The following AARS2 variants were observed in gnomAD, a reference collection of about 807,000 sequenced individuals.
AARS2 encodes alanine--tRNA ligase, mitochondrial.
AARS2 carries 78 observed loss-of-function variants against 119.7 expected under a neutral mutation model. That is an observed-to-expected ratio of 0.65 (90% confidence interval 0.54 to 0.79). The LOEUF (loss-of-function observed/expected upper bound fraction) is 0.79, where lower values mean the gene tolerates loss of function less well. AARS2 is among the 30% of genes least tolerant of loss of function. AARS2 has a pLI of 0.00. For missense variants in AARS2, 1,157 were observed against 1,291.3 expected (o/e 0.90, Z 1.59); for synonymous variants, 502 against 526.3 (o/e 0.95, Z 0.63).
chr6:44,306,135 A>C (rs947673426), intron 9 of AARS2, 145 bp downstream of exon 9: 2 of 826,360 alleles, frequency 2.4e-6, no homozygotes, highest in African/African-American at 1.7e-5. Flanking sequence ...GGGTCTGGGT[A>C]TGGAAGGAGA....
At chr6:44,311,965 C>G in intron 2 of AARS2, 107 bp downstream of exon 2, 1 of 1,354,752 alleles carries the variant, frequency 7.4e-7, no homozygotes, top group Non-Finnish European at 1.1e-6. Flanking sequence ...GCTCAACTAG[C>G]ACTTTGCCTC....
rs377764395 is a variant in AARS2, at chr6:44,304,753, G to C, written c.1644C>G (p.Ser548=). 3 of 1,614,226 alleles carry C rather than the reference G, an allele frequency of 1.9e-6. No homozygotes were observed. The South Asian group carries it at 3.3e-5, about 18-fold the overall frequency. ...LYTEDGTAVA[S]VGKGQRCGLL... Reference sequence around the variant, plus strand: ...GGCCACAGCGCTGGCCTTTCCCCACGGAGGCCACTGCTGTCCCGTCCTCTG... The same window carrying C: ...GGCCACAGCGCTGGCCTTTCCCCACCGAGGCCACTGCTGTCCCGTCCTCTG... Residue 548 remains serine, a synonymous_variant, in exon 12 of 22, where the codon TCC becomes TCG. Transcript: ENST00000244571.
chr6:44,304,361 G>A (rs1294671831), intron 13 of AARS2, 40 bp from the exon 14 acceptor site: 1 of 1,614,206 alleles, frequency 6.2e-7, no homozygotes, highest in Non-Finnish European at 8.5e-7. Flanking sequence ...GGTGAGGGCA[G>A]GGGGTTGGGA....
chr6:44,302,873 T>C lies in AARS2; in HGVS notation c.2293A>G (p.Ile765Val), dbSNP rs768511282. Residue 765 changes from isoleucine to valine, a missense_variant, in exon 17 of 22, where the codon ATC becomes GTC. Coordinates refer to ENST00000244571, the MANE Select transcript of AARS2 (RefSeq NM_020745.4). ...TTGGAAAGCTGGCGGTCCCCGATGA[T>C]AACCAGGTCCCCTACAGCCCCAGTA... is the stretch of plus-strand genomic sequence containing the variant. ...LRTGAVGDLV[I>V]IGDRQLSKGT... is the part of the protein sequence containing the mutation. 5 of 1,614,036 alleles carry C rather than the reference T, an allele frequency of 3.1e-6. No homozygotes were observed. The highest frequency in any genetic ancestry group is 4.2e-6 in the Non-Finnish European group (5 of 1,180,012).
intron 7 of AARS2, 45 bp from the exon 8 acceptor site, chr6:44,306,577 C>A: frequency 6.2e-7 from 1 of 1,610,344 alleles, no homozygotes; most frequent in Non-Finnish European, 8.5e-7. Context: ...AGGCAACCAA[C>A]CCACCCCCAC....
intron 20 of AARS2, 26 bp downstream of exon 20, chr6:44,301,355 G>C: frequency 2.5e-6 from 4 of 1,613,902 alleles, no homozygotes; most frequent in Non-Finnish European, 3.4e-6. Flanking sequence ...CAGACCCTGG[G>C]GCAGCCCGGC....
Position 44,302,661 on chromosome 6 carries a change from C to T in AARS2, c.2364+141G>A. 5 of 1,479,938 alleles carry T rather than the reference C, an allele frequency of 3.4e-6. No individual in the cohort carries two copies. In the South Asian group the frequency reaches 5.9e-5, roughly 17 times the overall value. 91.7% of individuals were successfully genotyped at this position (1,479,938 alleles called of 1,614,324 possible). A position where few individuals can be genotyped will look rare whatever the true frequency, so the allele number is the denominator to read the frequency against. On this transcript the variant is annotated intron_variant, in intron 17 of 21. Transcript: ENST00000244571. ...AAATAATCAAAACACATGCCAGCTG[C>T]CAATAGCTGATATGGCCACATTGGT...
Position 44,303,129 on chromosome 6 carries a change from G to A in AARS2, c.2192C>T (p.Ala731Val), listed in dbSNP as rs1208131124. Residue 731 changes from alanine (A) to valine (V), a missense_variant, in exon 16 of 22, where the codon GCC (alanine) becomes GTC (valine). Coordinates refer to ENST00000244571, the MANE Select transcript of AARS2 (RefSeq NM_020745.4). ...VRVVSVGVPV[A>V]HALDPASQAA... ...TTGGGAGGCTGGGTCCAATGCATGG[G>A]CCACGGGCACCCCCACTGATACCAC... is the stretch of plus-strand genomic sequence containing the variant. 1 of 1,614,138 alleles carries A rather than the reference G, an allele frequency of 6.2e-7. No homozygotes were observed. Among genetic ancestry groups the A allele is most frequent in the South Asian group, 1.1e-5 (1 of 91,086 alleles).
intron 14 of AARS2, 138 bp from the exon 15 acceptor site, chr6:44,303,561 A>G (rs1426277464): frequency 1.3e-5 from 17 of 1,304,564 alleles, no homozygotes; most frequent in African/African-American, 1.2e-4. Context: ...TAGGTGCTCA[A>G]TAAACACTAC....
chr6:44,299,434 C>CT lies in AARS2; in HGVS notation c.*1112dup, dbSNP rs112521684. 0.012 allele frequency among the ~76,000 whole-genome samples: 1,737 copies of CT among 144,334 alleles called. 24 individuals carry two copies. The highest frequency in any genetic ancestry group is 0.034 in the African/African-American group (1,365 of 39,604). The allele number at this position is 144,334 out of a possible 152,430, so 94.7% of individuals were successfully genotyped here. On this transcript the variant is annotated 3_prime_UTR_variant, in exon 22 of 22. Coordinates refer to ENST00000244571, the MANE Select transcript of AARS2 (RefSeq NM_020745.4). ...CTGGGAGGCTGAGGCATAAAGATTACTTTTTTTTTTTTTTGTAGACAGGGT... is the reference window on the plus strand; with the variant it reads ...CTGGGAGGCTGAGGCATAAAGATTACTTTTTTTTTTTTTTTGTAGACAGGGT...
In AARS2 at chr6:44,313,305, C is replaced by G. The variant is rs750230257; in HGVS notation, c.19G>C (p.Ala7Pro). The change falls in exon 1 of 22, where the codon GCT (alanine) becomes CCT (proline). Residue 7 changes from alanine to proline, a missense_variant. Transcript: ENST00000244571. Reference sequence around the variant, plus strand: ...GCCCGCCGCAGCCTCCGGGCTGCAGCTGCCACTGACGCTGCCATCGTAGCT... The same window carrying G: ...GCCCGCCGCAGCCTCCGGGCTGCAGGTGCCACTGACGCTGCCATCGTAGCT... Reference protein sequence around the residue: MAASVAAAARRLRRAIR... With the variant: MAASVAPAARRLRRAIR... 10 of 1,601,416 alleles carry G rather than the reference C, an allele frequency of 6.2e-6. No individual in the cohort carries two copies. The highest frequency in any genetic ancestry group is 8.5e-6 in the Non-Finnish European group (10 of 1,178,340).
chr6:44,310,987 C>T lies in AARS2; in HGVS notation c.749+7G>A, dbSNP rs1312165049. 1 of 1,613,710 alleles carries T rather than the reference C, an allele frequency of 6.2e-7. No individual in the cohort carries two copies. The highest frequency in any genetic ancestry group is 1.3e-5 in the African/African-American group (1 of 74,926). The stretch of plus-strand genomic sequence containing the variant: ...GGGATTCTCATCCTGCTTCAGCACC[C>T]TATTACCTGTTGTGTTGCATGAAGA... On this transcript the variant is annotated splice_region_variant and intron_variant, in intron 4 of 21. Transcript: ENST00000244571.
chr6:44,304,319 G>C lies in AARS2; in HGVS notation c.1869C>G (p.Ala623=), dbSNP rs1785634959. The C allele has an allele frequency of 1.2e-6, 2 of 1,614,192 alleles. No homozygotes were observed. Among genetic ancestry groups the C allele is most frequent in the Non-Finnish European group, 1.7e-6 (2 of 1,180,028 alleles). ...GDQVQLHVDE[A]WRLGCMAKHT... The stretch of plus-strand genomic sequence containing the variant: ...GCTTCGCCATGCAGCCTAGACGCCA[G>C]GCCTGAAATACTTTTGTCACCCAGC... The change falls in exon 14 of 22, where the codon GCC becomes GCG. Residue 623 remains alanine (A), a splice_region_variant and synonymous_variant. Coordinates refer to ENST00000244571, the MANE Select transcript of AARS2 (RefSeq NM_020745.4).
At chr6:44,306,068 G>C (rs555961117) in intron 9 of AARS2, among the ~76,000 whole-genome samples, 1 of 152,198 alleles carries the variant, frequency 6.6e-6, no homozygotes, top group African/African-American at 2.4e-5. Flanking sequence ...GCAGGAGGCA[G>C]GGCTAGCTGG....
At chr6:44,306,657 G>T in intron 7 of AARS2, 125 bp from the exon 8 acceptor site, 1 of 1,185,586 alleles carries the variant, frequency 8.4e-7, no homozygotes, top group Non-Finnish European at 1.3e-6. Context: ...CTGGGAGAGG[G>T]ACTCAAATGG....
rs182596701 is a variant in AARS2, at chr6:44,305,114, C to G, written c.1519G>C (p.Val507Leu). ...HALGELQRQG[V>L]PPTDDSPKYN... is the part of the protein sequence containing the mutation. ...TTGGGGCTGTCGTCAGTTGGGGGCACTCCTTGGCGCTGCAGCTCCCCAAGC... is the reference window on the plus strand; with the variant it reads ...TTGGGGCTGTCGTCAGTTGGGGGCAGTCCTTGGCGCTGCAGCTCCCCAAGC... The change falls in exon 11 of 22, where the codon GTG becomes CTG. Residue 507 changes from valine (V) to leucine (L), a missense_variant. Coordinates refer to ENST00000244571, the MANE Select transcript of AARS2 (RefSeq NM_020745.4). The surrounding 1 kb of genome is among the most constrained non-coding windows in gnomAD (Gnocchi z 4.6). 7.4e-6 allele frequency: 12 copies of G among 1,614,058 alleles called. No individual in the cohort carries two copies. The East Asian group carries it at 2.5e-4, about 33-fold the overall frequency.
intron 1 of AARS2, 106 bp from the exon 2 acceptor site, chr6:44,312,369 T>C: frequency 1.7e-6 from 2 of 1,185,252 alleles, no homozygotes; most frequent in Non-Finnish European, 2.4e-6. Flanking sequence ...GAAGGCTGAC[T>C]GTGCCCCTGA....
rs1461217496 is a variant in AARS2, at chr6:44,305,268, G to A, written c.1435-70C>T. 25 of 1,590,396 alleles carry A rather than the reference G, an allele frequency of 1.6e-5. No homozygotes were observed. Among genetic ancestry groups the A allele is most frequent in the African/African-American group, 2.7e-5 (2 of 74,652 alleles). On this transcript the variant is annotated intron_variant, in intron 10 of 21. Coordinates refer to ENST00000244571, the MANE Select transcript of AARS2 (RefSeq NM_020745.4). The surrounding 1 kb of genome is among the most constrained non-coding windows in gnomAD (Gnocchi z 4.6). The stretch of plus-strand genomic sequence containing the variant: ...AGAATGAAAGTGGGACTTCAGCCTC[G>A]CAGGGCCCTGTCCCTGCCACACAGC...
rs988173583 is a variant in AARS2 at position 44,303,108 on chromosome 6, G to T, written c.2213C>A (p.Ser738Tyr). 2 of 1,614,146 alleles carry T rather than the reference G, an allele frequency of 1.2e-6. No individual in the cohort carries two copies. The highest frequency in any genetic ancestry group is 1.7e-5 in the Admixed American group (1 of 60,030). ...VPVAHALDPASQAALQTSVEL... is the reference protein window; with the variant it reads ...VPVAHALDPAYQAALQTSVEL... ...CACAGAGGTCTGCAGTGCGGCTTGG[G>T]AGGCTGGGTCCAATGCATGGGCCAC... The change falls in exon 16 of 22, where the codon TCC becomes TAC. Residue 738 changes from serine (S) to tyrosine (Y), a missense_variant. Transcript: ENST00000244571.
Sources: gnomAD v4.1 joint callset for allele counts (sites outside exome capture counted in the v4.1 genomes callset) on GRCh38, gnomAD v4.1.1 for gene constraint, Gnocchi (gnomAD v3.1) non-coding constraint, MANE v1.5 for transcripts, NCBI Gene and HGNC (gene_info 2026-07-23, HGNC 2026-07-21) for gene names.